ANK2: variants seen among roughly 807,000 people sequenced by gnomAD.
The protein encoded by ANK2 is ankyrin-2.
In ANK2, 83 loss-of-function variants were observed where a neutral mutation model predicts 360.5. That is an observed-to-expected ratio of 0.23 (90% confidence interval 0.19 to 0.28). ANK2 has a LOEUF of 0.28. Ranked by LOEUF, ANK2 falls within the 10% of genes least tolerant of loss-of-function variation. The probability of loss-of-function intolerance (pLI) is 1.00; values close to 1 mark genes in which losing one functional copy is unlikely to be tolerated. For synonymous variants in ANK2, 1,740 were observed against 1,759.5 expected (o/e 0.99, Z 0.28); for missense variants, 4,201 against 4,795.7 (o/e 0.88, Z 3.66).
chr4:112,784,415 T>C, the ANK2 span, among the ~76,000 whole-genome samples: 1 of 141,760 alleles, frequency 7.1e-6, no homozygotes. Context: ...CGGAGTGCAG[T>C]GGCGCGATCT....
chr4:113,083,162 C>A (rs546922233), intron 1 of ANK2, among the ~76,000 whole-genome samples: 3 of 151,990 alleles, frequency 2.0e-5, no homozygotes, highest in East Asian at 1.9e-4. Flanking sequence ...TATACATGTG[C>A]CATGCTGGTG....
At chr4:112,737,176 T>C in the ANK2 span, among the ~76,000 whole-genome samples, 1 of 152,034 alleles carries the variant, frequency 6.6e-6, no homozygotes, top group African/African-American at 2.4e-5. Context: ...AATTTATGCA[T>C]ACAAAGTGCT....
rs1171903525 is a variant in ANK2, at chr4:113,135,521, CTCTG to C, written c.85-38893_85-38890del. Among the ~76,000 whole-genome samples, 217 of 148,128 alleles carry C rather than the reference CTCTG, an allele frequency of 1.5e-3. 1 individual carries two copies. The highest frequency in any genetic ancestry group is 2.9e-3 in the Non-Finnish European group (191 of 65,880). On this transcript the variant is annotated intron_variant, in intron 1 of 45. Coordinates refer to ENST00000357077, the MANE Select transcript of ANK2 (RefSeq NM_001148.6). The stretch of plus-strand genomic sequence containing the variant: ...CCAAACCATAGAGCTGTGTGTGTCT[CTCTG>C]TGTGTGTGTGTGTGTGTGTGTGTAG...
intron 31 of ANK2, 97 bp from the exon 32 acceptor site, chr4:113,339,128 TG>T: frequency 1.0e-6 from 1 of 970,374 alleles, no homozygotes; most frequent in Non-Finnish European, 1.6e-6. Context: ...TTTTGAGGGG[TG>T]GGATTTGGCT....
intron 2 of ANK2, among the ~76,000 whole-genome samples, chr4:113,032,009 G>A (rs1475190442): frequency 6.6e-6 from 1 of 151,910 alleles, no homozygotes; most frequent in Non-Finnish European, 1.5e-5. Flanking sequence ...ACTCCTCGAT[G>A]AGCCCAATCG....
At chr4:113,235,001 C>T (rs972251001) in intron 5 of ANK2, among the ~76,000 whole-genome samples, 1 of 152,122 alleles carries the variant, frequency 6.6e-6, no homozygotes, top group Admixed American at 6.5e-5. Context: ...AGGGAGTTCT[C>T]AGTCTCTCCA....
At chr4:112,882,758 C>T (rs920216785) in intron 1 of ANK2, among the ~76,000 whole-genome samples, 4 of 151,114 alleles carry the variant, frequency 2.6e-5, no homozygotes, top group Non-Finnish European at 4.4e-5. Context: ...TGTCACTTAC[C>T]GTAGGCAGAT....
At position 113,355,369 on chromosome 4, in the gene ANK2, C is replaced by A; in HGVS notation, c.6751C>A (p.Pro2251Thr). 1 of 1,613,928 alleles carries A rather than the reference C, an allele frequency of 6.2e-7. No individual in the cohort carries two copies. Among genetic ancestry groups the A allele is most frequent in the Non-Finnish European group, 8.5e-7 (1 of 1,179,964 alleles). Residue 2251 changes from proline (P) to threonine (T), a missense_variant, in exon 38 of 46, where the codon CCA becomes ACA. Around this residue, in one of 4 missense-constraint regions of ANK2, gnomAD observed 2,642 missense variants for 2,714.5 expected, o/e 0.97. Transcript: ENST00000357077. ...ETSPESLSFS[P>T]KKSEEQTGET... ...GAGCCCAGAAAGCCTTTCTTTCTCA[C>A]CAAAGAAAAGTGAGGAGCAAACTGG... is the stretch of plus-strand genomic sequence containing the variant.
intron 2 of ANK2, among the ~76,000 whole-genome samples, chr4:112,920,149 C>T (rs2091079190): frequency 1.3e-5 from 2 of 152,148 alleles, no homozygotes; most frequent in Admixed American, 6.5e-5. Flanking sequence ...AAGCCCAGGA[C>T]TCTTTTTCAC....
chr4:112,737,233 A>G, the ANK2 span, among the ~76,000 whole-genome samples: 4 of 152,224 alleles, frequency 2.6e-5, no homozygotes, highest in African/African-American at 9.6e-5. Context: ...GTTATTTTTC[A>G]TAACTAAAAG....
At chr4:113,368,776 C>T (rs1029347946) in intron 42 of ANK2, among the ~76,000 whole-genome samples, 2 of 152,042 alleles carry the variant, frequency 1.3e-5, no homozygotes, top group African/African-American at 4.8e-5. Flanking sequence ...GCCCCATCAA[C>T]CTGTAGGTTT....
At position 113,359,026 on chromosome 4, in the gene ANK2, C is replaced by T; in HGVS notation, c.10408C>T (p.Leu3470Phe). 2 of 1,614,074 alleles carry T rather than the reference C, an allele frequency of 1.2e-6. No individual in the cohort carries two copies. The highest frequency in any genetic ancestry group is 1.7e-6 in the Non-Finnish European group (2 of 1,179,962). The change falls in exon 38 of 46, where the codon CTT becomes TTT. Residue 3470 changes from leucine (L) to phenylalanine (F), a missense_variant. Coordinates refer to ENST00000357077, the MANE Select transcript of ANK2 (RefSeq NM_001148.6). ...TKESKEHFFD[L>F]YRNSIEFFEE... Reference sequence around the variant, plus strand: ...AGAAAGTAAGGAGCATTTCTTTGACCTTTACAGAAATTCCATAGAATTCTT... The same window carrying T: ...AGAAAGTAAGGAGCATTTCTTTGACTTTTACAGAAATTCCATAGAATTCTT...
chr4:113,214,949 T>A (rs934759140), intron 4 of ANK2, among the ~76,000 whole-genome samples: 5 of 152,158 alleles, frequency 3.3e-5, no homozygotes, highest in Non-Finnish European at 7.4e-5. Flanking sequence ...AAAAGACATT[T>A]ATTAACTATT....
At chr4:113,286,748 A>G (rs1011395715) in intron 18 of ANK2, among the ~76,000 whole-genome samples, 1 of 152,192 alleles carries the variant, frequency 6.6e-6, no homozygotes, top group Admixed American at 6.5e-5. Flanking sequence ...AGAGAAATAT[A>G]CAGTATAAAT....
the ANK2 span, chr4:112,739,154 C>A: frequency 2.7e-6 from 1 of 373,940 alleles, no homozygotes; most frequent in East Asian, 6.4e-5. Flanking sequence ...TAAAAACTGC[C>A]AAGAACACAA....
chr4:113,255,677 G>C (rs2048927266), intron 10 of ANK2, 58 bp from the exon 11 acceptor site: 1 of 1,579,378 alleles, frequency 6.3e-7, no homozygotes, highest in African/African-American at 1.3e-5. Context: ...CTGTACTTTG[G>C]AACCTGAAAA....
intron 1 of ANK2, among the ~76,000 whole-genome samples, chr4:112,888,338 A>C (rs1473223440): frequency 1.3e-5 from 2 of 152,176 alleles, no homozygotes; most frequent in African/African-American, 4.8e-5. Context: ...GACTTCTAGA[A>C]AGTTAAAGTG....
intron 1 of ANK2, among the ~76,000 whole-genome samples, chr4:113,131,260 C>T (rs2096013034): frequency 2.0e-5 from 3 of 152,152 alleles, no homozygotes; most frequent in Admixed American, 2.0e-4. Flanking sequence ...CTTTCCCCTT[C>T]ATCTCAAGCC....
chr4:112,980,835 T>C (rs113840184), intron 2 of ANK2, among the ~76,000 whole-genome samples: 215 of 152,322 alleles, frequency 1.4e-3, no homozygotes, highest in African/African-American at 5.0e-3. Flanking sequence ...TCAGTCATAA[T>C]GGTAATGTTC....
Sources: gnomAD v4.1 joint callset for allele counts (sites outside exome capture counted in the v4.1 genomes callset) on GRCh38, gnomAD v4.1.1 for gene constraint, gnomAD v4.1.1 regional missense constraint, MANE v1.5 for transcripts, NCBI Gene and HGNC (gene_info 2026-07-23, HGNC 2026-07-21) for gene names.